ISX: variants seen among roughly 807,000 people sequenced by gnomAD.
The protein encoded by ISX is intestine-specific homeobox.
In ISX, 15 loss-of-function variants were observed where a neutral mutation model predicts 16.9. The observed-to-expected ratio is 0.89, with a 90% CI of 0.59 to 1.36. The LOEUF (loss-of-function observed/expected upper bound fraction) is 1.36. ISX is among the 40% of genes most tolerant of loss of function. The pLI, the probability that ISX is intolerant of heterozygous loss-of-function variation, is 0.00. For synonymous variants in ISX, 125 were observed against 119.7 expected (o/e 1.04, Z -0.29); for missense variants, 316 against 306.1 (o/e 1.03, Z -0.24).
In ISX at chr22:35,066,978, G is replaced by T. The variant is rs1193059139; in HGVS notation, c.-110G>T. The T allele has an allele frequency of 1.4e-6, 1 of 714,452 alleles. No individual in the cohort carries two copies. The highest frequency in any genetic ancestry group is 2.4e-6 in the Non-Finnish European group (1 of 425,380). 44.3% of individuals were successfully genotyped at this position (714,452 alleles called of 1,614,324 possible). A position where few individuals can be genotyped will look rare whatever the true frequency, so the allele number is the denominator to read the frequency against. ...TGGATCATCTAACTGGAGGCTCTCT[G>T]TTCTTCACCTCCACGCGCCCTCTTG... On this transcript the variant is annotated 5_prime_UTR_variant, in exon 2 of 5. Coordinates refer to ENST00000404699, the MANE Select transcript of ISX (RefSeq NM_001303508.2).
intron 4 of ISX, 53 bp downstream of exon 4, chr22:35,084,552 T>G: frequency 8.0e-7 from 1 of 1,253,926 alleles, no homozygotes; most frequent in Non-Finnish European, 1.2e-6. Flanking sequence ...TCTGGAAATA[T>G]CCCAGTCAGA....
Position 35,067,092 on chromosome 22 carries a change from G to GTGC in ISX, c.8_10dup (p.Ala3dup). ...GAGTCACCCCTGAGCCCCTCAATGTGTGCTGAGGTGGGCCCTGCTCTCTGC... is the reference window on the plus strand; with the variant it reads ...GAGTCACCCCTGAGCCCCTCAATGTGTGCTGCTGAGGTGGGCCCTGCTCTCTGC... On this transcript the variant is annotated inframe_insertion, in exon 2 of 5. Transcript: ENST00000404699. The GTGC allele has an allele frequency of 6.2e-7, 1 of 1,612,894 alleles. No individual in the cohort carries two copies. Among genetic ancestry groups the GTGC allele is most frequent in the South Asian group, 1.1e-5 (1 of 91,018 alleles).
chr22:35,067,682 G>A (rs575136446), intron 2 of ISX, among the ~76,000 whole-genome samples: 135 of 152,348 alleles, frequency 8.9e-4, no homozygotes, highest in Non-Finnish European at 8.8e-4. Flanking sequence ...AAACTCATCT[G>A]TGAAAGAGAA....
intron 2 of ISX, among the ~76,000 whole-genome samples, chr22:35,069,322 A>T (rs1307222709): frequency 6.6e-6 from 1 of 152,198 alleles, no homozygotes; most frequent in Non-Finnish European, 1.5e-5. Flanking sequence ...AATGAGCTGG[A>T]GTCTCTGAAA....
Position 35,067,230 on chromosome 22 carries a change from G to C in ISX, c.143G>C (p.Arg48Thr). Reference sequence around the variant, plus strand: ...CCTGCCAGGAGGAGTGATATGGACAGACCAGAAGGGCCAGGTGAAGAGGGC... The same window carrying C: ...CCTGCCAGGAGGAGTGATATGGACACACCAGAAGGGCCAGGTGAAGAGGGC... ...KRPARRSDMD[R>T]PEGPGEEGPG... Residue 48 changes from arginine to threonine, a missense_variant, in exon 2 of 5, where the codon AGA becomes ACA. Arg to Thr is a moderately conservative substitution (Grantham distance 71). Coordinates refer to ENST00000404699, the MANE Select transcript of ISX (RefSeq NM_001303508.2). The C allele has an allele frequency of 6.2e-7, 1 of 1,609,224 alleles. No homozygotes were observed. Among genetic ancestry groups the C allele is most frequent in the South Asian group, 1.1e-5 (1 of 89,768 alleles).
intron 2 of ISX, among the ~76,000 whole-genome samples, chr22:35,079,747 A>G (rs568198720): frequency 6.6e-6 from 1 of 152,318 alleles, no homozygotes; most frequent in East Asian, 1.9e-4. Context: ...CTGGGCCCCA[A>G]AAGTGAAGGT....
At chr22:35,068,472 G>A (rs1019435802) in intron 2 of ISX, among the ~76,000 whole-genome samples, 15 of 152,186 alleles carry the variant, frequency 9.9e-5, no homozygotes, top group African/African-American at 3.4e-4. Context: ...CAAAGGGAAA[G>A]GGTCTCTAGC....
chr22:35,075,287 G>A (rs969292235), intron 2 of ISX, among the ~76,000 whole-genome samples: 3 of 152,230 alleles, frequency 2.0e-5, no homozygotes, highest in Admixed American at 6.5e-5. Context: ...TTGAGTGGCT[G>A]GAGTCTAAAA....
chr22:35,073,190 C>T (rs1444208265), intron 2 of ISX, among the ~76,000 whole-genome samples: 2 of 152,168 alleles, frequency 1.3e-5, no homozygotes, highest in African/African-American at 4.8e-5. Context: ...AAATGAGTCA[C>T]CAAGCTGGGC....
In ISX at chr22:35,082,340, C is replaced by T. The variant is rs143593386; in HGVS notation, c.230-178C>T. On this transcript the variant is annotated intron_variant, in intron 2 of 4. Coordinates refer to ENST00000404699, the MANE Select transcript of ISX (RefSeq NM_001303508.2). ...CTCAATGTCCATGGTGGGTGAGGGT[C>T]GGTCTAGAGGCAGAGGATTTTAGGA... Among the ~76,000 whole-genome samples, 1,079 of 152,296 alleles carry T rather than the reference C, an allele frequency of 7.1e-3. 51 individuals are homozygous for T. The highest frequency in any genetic ancestry group is 0.066 in the Admixed American group (1,013 of 15,302).
At chr22:35,070,369 G>A (rs1373393550) in intron 2 of ISX, among the ~76,000 whole-genome samples, 1 of 152,206 alleles carries the variant, frequency 6.6e-6, no homozygotes, top group East Asian at 1.9e-4. Flanking sequence ...CAAAGTTAAG[G>A]GAGACCCAGT....
chr22:35,073,991 A>C (rs1242444936), intron 2 of ISX, among the ~76,000 whole-genome samples: 1 of 152,170 alleles, frequency 6.6e-6, no homozygotes, highest in Non-Finnish European at 1.5e-5. Context: ...TGCCTTGGAG[A>C]AAATTAAGAA....
chr22:35,070,960 G>T (rs1057141929), intron 2 of ISX, among the ~76,000 whole-genome samples: 1 of 152,202 alleles, frequency 6.6e-6, no homozygotes, highest in East Asian at 1.9e-4. Flanking sequence ...TAAATAAATG[G>T]GTAGGCTTAT....
intron 3 of ISX, 72 bp downstream of exon 3, chr22:35,082,741 G>A: frequency 6.6e-7 from 1 of 1,514,076 alleles, no homozygotes; most frequent in Non-Finnish European, 9.0e-7. Flanking sequence ...ATATATCCAG[G>A]GACTTTTCGG....
chr22:35,066,860 G>T lies in ISX; in HGVS notation c.-228G>T, dbSNP rs1928711350. On this transcript the variant is annotated 5_prime_UTR_variant, in exon 2 of 5. Coordinates refer to ENST00000404699, the MANE Select transcript of ISX (RefSeq NM_001303508.2). ...TGGTGACTCCTTTGATGTCAAACTG[G>T]TAAGGGCTGAGCCGTGGGCACAGGA... The T allele has an allele frequency of 7.7e-6, 4 of 518,968 alleles. No homozygotes were observed. 32.1% of individuals were successfully genotyped at this position (518,968 alleles called of 1,614,324 possible).
intron 2 of ISX, among the ~76,000 whole-genome samples, chr22:35,071,922 C>G (rs941053206): frequency 2.6e-5 from 4 of 152,198 alleles, no homozygotes; most frequent in Non-Finnish European, 5.9e-5. Context: ...GACAGCTGCT[C>G]TGCTATGGGA....
intron 2 of ISX, 35 bp downstream of exon 2, chr22:35,067,351 G>A (rs1411532383): frequency 1.4e-6 from 2 of 1,454,168 alleles, no homozygotes; most frequent in Non-Finnish European, 1.9e-6. Context: ...TCTGTTTCCT[G>A]GTCTCCAAGA....
chr22:35,085,701 A>G lies in ISX; in HGVS notation c.*8A>G, dbSNP rs1332286032. The G allele has an allele frequency of 1.9e-6, 3 of 1,614,164 alleles. No individual in the cohort carries two copies. Among genetic ancestry groups the G allele is most frequent in the Admixed American group, 1.7e-5 (1 of 60,024 alleles). ...TGTGCTACTTCAACATAGAGATTGG[A>G]CATGCTCTCCCCAAATGAGCCACTT... On this transcript the variant is annotated 3_prime_UTR_variant, in exon 5 of 5. Coordinates refer to ENST00000404699, the MANE Select transcript of ISX (RefSeq NM_001303508.2).
At chr22:35,081,494 G>A (rs1929122522) in intron 2 of ISX, among the ~76,000 whole-genome samples, 1 of 152,236 alleles carries the variant, frequency 6.6e-6, no homozygotes, top group African/African-American at 2.4e-5. Flanking sequence ...GTGGAACAGT[G>A]ATGCATGCAC....
Sources: gnomAD v4.1 joint callset for allele counts (sites outside exome capture counted in the v4.1 genomes callset) on GRCh38, gnomAD v4.1.1 for gene constraint, MANE v1.5 for transcripts, NCBI Gene and HGNC (gene_info 2026-07-23, HGNC 2026-07-21) for gene names.